The following ATRN variants were observed in gnomAD, a reference collection of about 807,000 sequenced individuals.
ATRN encodes the protein attractin.
In ATRN, 54 loss-of-function variants were observed where a neutral mutation model predicts 178.7. The observed-to-expected ratio is 0.30, with a 90% CI of 0.24 to 0.38. ATRN has a LOEUF of 0.38. ATRN is among the 10% of genes least tolerant of loss of function. ATRN has a pLI of 1.00. For synonymous variants in ATRN, 636 were observed against 663.0 expected (o/e 0.96, Z 0.63); for missense variants, 1,443 against 1,815.1 (o/e 0.79, Z 3.73).
At chr20:3,646,631 A>G (rs2087109744) in intron 28 of ATRN, 92 bp from the exon 29 acceptor site, 12 of 1,439,140 alleles carry the variant, frequency 8.3e-6, no homozygotes, top group East Asian at 5.1e-5. Context: ...GTTTTGCACC[A>G]TGGGATTGAA....
Position 3,633,205 on chromosome 20 carries a change from G to A in ATRN, c.3864-1106G>A, listed in dbSNP as rs73893055. ...ATAGCAGAGAGGCCCAGAGATGAAG[G>A]CTTTCCACCAAGTGACGATCCTGGG... On this transcript the variant is annotated intron_variant, in intron 25 of 28. Transcript: ENST00000262919. Among the ~76,000 whole-genome samples, 952 of 152,146 alleles carry A rather than the reference G, an allele frequency of 6.3e-3. 7 individuals carry two copies. The highest frequency in any genetic ancestry group is 0.021 in the African/African-American group (879 of 41,504).
At chr20:3,491,929 A>G (rs556123287) in intron 1 of ATRN, among the ~76,000 whole-genome samples, 1 of 152,266 alleles carries the variant, frequency 6.6e-6, no homozygotes, top group East Asian at 1.9e-4. Context: ...AGAGGAGTGG[A>G]GTTAAATATC....
At chr20:3,624,389 A>G in intron 24 of ATRN, 122 bp from the exon 25 acceptor site, 1 of 900,366 alleles carries the variant, frequency 1.1e-6, no homozygotes, top group Non-Finnish European at 1.8e-6. Flanking sequence ...TTAAGTGAAA[A>G]AAGTTTCCTT....
intron 3 of ATRN, among the ~76,000 whole-genome samples, chr20:3,541,138 C>T (rs1316311695): frequency 4.1e-5 from 6 of 145,890 alleles, no homozygotes; most frequent in South Asian, 2.2e-4. Context: ...AATGCAGTGG[C>T]GCGATCTCGG....
intron 1 of ATRN, among the ~76,000 whole-genome samples, chr20:3,499,864 C>A (rs1041279381): frequency 2.7e-5 from 4 of 148,022 alleles, no homozygotes; most frequent in African/African-American, 1.0e-4. Context: ...AGCTTCTGCA[C>A]AGCAAAAGAA....
chr20:3,474,493 G>A (rs1257525426), intron 1 of ATRN, among the ~76,000 whole-genome samples: 1 of 151,870 alleles, frequency 6.6e-6, no homozygotes, highest in Admixed American at 6.6e-5. Context: ...GTATCACGAG[G>A]TCAGGAGATC....
At chr20:3,630,817 G>GATGATA (rs1405343736) in intron 25 of ATRN, among the ~76,000 whole-genome samples, 1 of 149,842 alleles carries the variant, frequency 6.7e-6, no homozygotes, top group African/African-American at 2.5e-5. Flanking sequence ...ACTAACTAGC[G>GATGATA]ATGATAAACT....
rs1361853197 is a variant in ATRN at position 3,490,636 on chromosome 20, A to C, written c.410+19119A>C. 4 of 951,260 alleles carry C rather than the reference A, an allele frequency of 4.2e-6. No individual in the cohort carries two copies. The East Asian group carries it at 9.6e-5, about 23-fold the overall frequency. 58.9% of individuals were successfully genotyped at this position (951,260 alleles called of 1,614,324 possible). ...ATATCCCTCTTCATCTGTGAACTCC[A>C]CCAAGTTTTGTGCCTCTTCACTTGG... On this transcript the variant is annotated intron_variant, in intron 1 of 28. Coordinates refer to ENST00000262919, the MANE Select transcript of ATRN (RefSeq NM_139321.3).
chr20:3,570,303 T>A (rs956970071), intron 11 of ATRN, among the ~76,000 whole-genome samples: 4 of 152,248 alleles, frequency 2.6e-5, no homozygotes, highest in Admixed American at 6.5e-5. Context: ...TCCTGTAGAG[T>A]TTCCCGTAGT....
chr20:3,553,768 G>C (rs1244497351), intron 6 of ATRN, among the ~76,000 whole-genome samples: 1 of 152,202 alleles, frequency 6.6e-6, no homozygotes, highest in Non-Finnish European at 1.5e-5. Flanking sequence ...TTGTGCCTCA[G>C]GGCTGGTGTC....
At chr20:3,631,526 A>AGG (rs1250991280) in intron 25 of ATRN, among the ~76,000 whole-genome samples, 70 of 152,126 alleles carry the variant, frequency 4.6e-4, no homozygotes, top group African/African-American at 1.6e-3. Flanking sequence ...AGCCTCCTTA[A>AGG]AGAGGGAAAT....
At chr20:3,586,398 G>A (rs1326674049) in intron 18 of ATRN, among the ~76,000 whole-genome samples, 1 of 151,912 alleles carries the variant, frequency 6.6e-6, no homozygotes, top group African/African-American at 2.4e-5. Context: ...ATGTTTAGTG[G>A]TTTCCTAGGG....
intron 1 of ATRN, among the ~76,000 whole-genome samples, chr20:3,517,027 G>C (rs1451949496): frequency 6.6e-6 from 1 of 152,048 alleles, no homozygotes; most frequent in Non-Finnish European, 1.5e-5. Context: ...GGGTCAAATG[G>C]TATTTCTGGT....
chr20:3,547,560 A>G, intron 5 of ATRN, 71 bp downstream of exon 5: 2 of 1,246,348 alleles, frequency 1.6e-6, no homozygotes. Flanking sequence ...TTATAGATTG[A>G]CTTTATTCTT....
intron 26 of ATRN, 95 bp downstream of exon 26, chr20:3,634,484 A>G (rs943762098): frequency 4.6e-6 from 5 of 1,076,888 alleles, no homozygotes; most frequent in East Asian, 4.9e-5. Flanking sequence ...TTTAGTGATA[A>G]TGGACAGACA....
intron 1 of ATRN, among the ~76,000 whole-genome samples, chr20:3,475,496 A>T (rs2146055820): frequency 6.6e-6 from 1 of 152,378 alleles, no homozygotes. Flanking sequence ...AAAGGATGTC[A>T]GTTTAATAAA....
chr20:3,507,496 A>G (rs1340774690), intron 1 of ATRN, among the ~76,000 whole-genome samples: 1 of 152,034 alleles, frequency 6.6e-6, no homozygotes, highest in Non-Finnish European at 1.5e-5. Flanking sequence ...TGTGGGACAC[A>G]GTTGTAATTA....
At chr20:3,546,569 A>G (rs907044581) in intron 4 of ATRN, among the ~76,000 whole-genome samples, 4 of 151,464 alleles carry the variant, frequency 2.6e-5, no homozygotes, top group African/African-American at 9.7e-5. Context: ...TTTTTTGCAT[A>G]TTTAGTAGAG....
At chr20:3,490,131 T>G (rs1340845717) in intron 1 of ATRN, 1 of 1,483,212 alleles carries the variant, frequency 6.7e-7, no homozygotes. Flanking sequence ...CAAAGAGTTA[T>G]CAAGTGACTC....
Sources: allele counts gnomAD v4.1 joint callset (sites outside exome capture counted in the v4.1 genomes callset), GRCh38; gene constraint gnomAD v4.1.1; transcripts MANE v1.5; gene names NCBI Gene and HGNC (gene_info 2026-07-23, HGNC 2026-07-21).